IGSF11: variants seen among roughly 807,000 people sequenced by gnomAD.
The protein encoded by IGSF11 is CXADR like 1.
IGSF11 carries 22 observed loss-of-function variants against 41.0 expected under a neutral mutation model. The observed-to-expected ratio is 0.54, with a 90% CI of 0.38 to 0.77. The LOEUF (loss-of-function observed/expected upper bound fraction) is 0.77. IGSF11 is among the 30% of genes least tolerant of loss of function. The pLI is 0.00. For synonymous variants in IGSF11, 219 were observed against 201.3 expected, an observed-to-expected ratio of 1.09 and a Z score of -0.74; for missense variants, 444 against 530.8, an observed-to-expected ratio of 0.84 and a Z score of 1.61.
At chr3:118,908,557 G>A (rs1359615666) in intron 4 of IGSF11, among the ~76,000 whole-genome samples, 1 of 152,186 alleles carries the variant, frequency 6.6e-6, no homozygotes, top group Non-Finnish European at 1.5e-5. Flanking sequence ...CTCAGGCAGG[G>A]AAGTATTTTT....
At chr3:118,982,838 G>T (rs115420846) in intron 1 of IGSF11, among the ~76,000 whole-genome samples, 1 of 152,158 alleles carries the variant, frequency 6.6e-6, no homozygotes, top group African/African-American at 2.4e-5. Context: ...TGACAAACTC[G>T]CAGCAGTTTT....
intron 1 of IGSF11, among the ~76,000 whole-genome samples, chr3:118,940,474 T>A (rs1943600020): frequency 6.6e-6 from 1 of 152,038 alleles, no homozygotes; most frequent in African/African-American, 2.4e-5. Context: ...CTTCAGAAAA[T>A]ATCTGTAAGA....
At chr3:118,981,827 C>A (rs765318644) in intron 1 of IGSF11, 1 of 152,534 alleles carries the variant, frequency 6.6e-6, no homozygotes, top group Non-Finnish European at 1.5e-5. Context: ...AGACTTCGAC[C>A]CACATGTCTA....
chr3:119,073,060 T>C (rs992298283), intron 1 of IGSF11, among the ~76,000 whole-genome samples: 1 of 152,050 alleles, frequency 6.6e-6, no homozygotes, highest in Non-Finnish European at 1.5e-5. Flanking sequence ...CAGCACTGAT[T>C]GGTGCACTTA....
At chr3:118,940,951 A>G (rs1943646842) in intron 1 of IGSF11, among the ~76,000 whole-genome samples, 1 of 150,644 alleles carries the variant, frequency 6.6e-6, no homozygotes, top group Non-Finnish European at 1.5e-5. Flanking sequence ...TTAATACTTT[A>G]TATAAAAATT....
intron 6 of IGSF11, among the ~76,000 whole-genome samples, chr3:118,903,564 G>C (rs28392691): frequency 0.019 from 2,965 of 152,246 alleles, 95 homozygotes; most frequent in African/African-American, 0.068. Flanking sequence ...GGGTGCTGAT[G>C]AGAGGTTTTC....
intron 1 of IGSF11, among the ~76,000 whole-genome samples, chr3:119,123,763 G>A (rs1380812728): frequency 1.3e-5 from 2 of 152,128 alleles, no homozygotes; most frequent in African/African-American, 2.4e-5. Flanking sequence ...GACTGCCAAG[G>A]TAGCACCTCG....
chr3:118,914,627 T>A (rs1238726293), intron 4 of IGSF11, among the ~76,000 whole-genome samples: 1 of 148,014 alleles, frequency 6.8e-6, no homozygotes, highest in Non-Finnish European at 1.5e-5. Context: ...TCTCGCTGAT[T>A]GCTAGCACAG....
At chr3:119,108,390 G>A (rs1166694580), upstream of IGSF11, among the ~76,000 whole-genome samples, 2 of 145,166 alleles carry the variant, frequency 1.4e-5, no homozygotes, top group African/African-American at 2.5e-5. Context: ...CTCTCTGTTT[G>A]TCTGTTATTG....
At chr3:119,005,638 A>G (rs1192080454) in intron 1 of IGSF11, among the ~76,000 whole-genome samples, 2 of 107,712 alleles carry the variant, frequency 1.9e-5, no homozygotes, top group Non-Finnish European at 3.4e-5. Context: ...TTCCTTCAGG[A>G]GCTCTTTTAG....
rs571589708 is a variant in IGSF11 at position 119,034,349 on chromosome 3, G to C, written c.52+182C>G. The stretch of plus-strand genomic sequence containing the variant: ...AAGGAACACCTGGGCTGCGCGGGCG[G>C]CAGAAGCAGCCGCTGCAGGTGCGCG... On this transcript the variant is annotated intron_variant, in intron 1 of 6. Coordinates refer to ENST00000393775, the MANE Select transcript of IGSF11 (RefSeq NM_001015887.3). Among the ~76,000 whole-genome samples, 32 of 152,316 alleles carry C rather than the reference G, an allele frequency of 2.1e-4. No individual in the cohort carries two copies. In the East Asian group the frequency reaches 6.0e-3, roughly 29 times the overall value.
intron 1 of IGSF11, among the ~76,000 whole-genome samples, chr3:118,950,400 G>A (rs931466768): frequency 6.6e-6 from 1 of 152,044 alleles, no homozygotes; most frequent in African/African-American, 2.4e-5. Context: ...TTATTCTAGT[G>A]ATAGCAAATG....
chr3:118,994,957 A>C (rs1936127055), intron 1 of IGSF11, among the ~76,000 whole-genome samples: 1 of 152,200 alleles, frequency 6.6e-6, no homozygotes, highest in Non-Finnish European at 1.5e-5. Context: ...AAGGCAATGA[A>C]AAGGGGTTAT....
Position 119,047,854 on chromosome 3 carries a change from T to C in IGSF11, c.49+57290A>G, listed in dbSNP as rs367617375. ...CAGGATTAAGAATCTCACTCAAAAC[T>C]GCTCAACTACATGGAAACTGAACAA... On this transcript the variant is annotated intron_variant, in intron 1 of 6. Coordinates refer to the IGSF11 transcript ENST00000354673. Among the ~76,000 whole-genome samples the C allele has an allele frequency of 2.4e-4, 36 of 151,962 alleles. 1 individual carries two copies. In the South Asian group the frequency reaches 5.2e-3, roughly 22 times the overall value.
At chr3:118,908,857 TAGAC>T (rs927720622) in intron 4 of IGSF11, among the ~76,000 whole-genome samples, 1 of 152,260 alleles carries the variant, frequency 6.6e-6, no homozygotes, top group Non-Finnish European at 1.5e-5. Context: ...ATGTTCCAGT[TAGAC>T]AGCCTAAGTT....
intron 1 of IGSF11, among the ~76,000 whole-genome samples, chr3:118,992,678 T>C (rs1935903034): frequency 6.6e-6 from 1 of 152,202 alleles, no homozygotes; most frequent in Admixed American, 6.5e-5. Context: ...ATTCCATGGC[T>C]ACCTTGGTGT....
At chr3:119,085,107 T>C (rs2076649444) in intron 1 of IGSF11, among the ~76,000 whole-genome samples, 1 of 152,152 alleles carries the variant, frequency 6.6e-6, no homozygotes, top group African/African-American at 2.4e-5. Flanking sequence ...TTGCCAATGA[T>C]GGGAGGTGGC....
intron 4 of IGSF11, among the ~76,000 whole-genome samples, chr3:118,918,276 G>C (rs1470903445): frequency 1.7e-5 from 2 of 114,654 alleles, no homozygotes; most frequent in African/African-American, 4.9e-5. Flanking sequence ...GGCAGGAGAA[G>C]GAAATAAAAG....
chr3:118,928,979 C>T (rs1201594333), intron 2 of IGSF11, among the ~76,000 whole-genome samples: 1 of 152,046 alleles, frequency 6.6e-6, no homozygotes, highest in Non-Finnish European at 1.5e-5. Flanking sequence ...TGCTGCCCAC[C>T]CTACTATCAG....
Sources: allele counts gnomAD v4.1 joint callset (sites outside exome capture counted in the v4.1 genomes callset), GRCh38; gene constraint gnomAD v4.1.1; transcripts MANE v1.5; gene names NCBI Gene and HGNC (gene_info 2026-07-23, HGNC 2026-07-21).